The following METTL15 variants were observed in gnomAD, a reference collection of about 807,000 sequenced individuals.
METTL15 encodes the protein 12S rRNA N(4)-cytidine methyltransferase METTL15.
In METTL15, 34 loss-of-function variants were observed where a neutral mutation model predicts 38.3. The observed-to-expected ratio is 0.89, with a 90% CI of 0.68 to 1.18. The LOEUF is 1.18. METTL15 is among the 50% of genes most tolerant of loss of function. The probability of loss-of-function intolerance (pLI) is 0.00; values close to 1 mark genes in which losing one functional copy is unlikely to be tolerated. For synonymous variants in METTL15, 162 were observed against 170.9 expected, an observed-to-expected ratio of 0.95 and a Z score of 0.41; for missense variants, 438 against 498.4, an observed-to-expected ratio of 0.88 and a Z score of 1.15.
At chr11:28,131,914 C>A (rs1456696382) in intron 3 of METTL15, among the ~76,000 whole-genome samples, 3 of 151,962 alleles carry the variant, frequency 2.0e-5, no homozygotes, top group East Asian at 1.9e-4. Context: ...AATTTGGTGA[C>A]CTTTGTAATG....
chr11:28,454,369 A>T (rs989120898), intron 6 of METTL15, among the ~76,000 whole-genome samples: 1 of 152,238 alleles, frequency 6.6e-6, no homozygotes, highest in Non-Finnish European at 1.5e-5. Flanking sequence ...TTGCAAAAGT[A>T]ATTTTCAGCT....
intron 4 of METTL15, among the ~76,000 whole-genome samples, chr11:28,274,388 GA>G (rs1855762768): frequency 6.6e-6 from 1 of 151,768 alleles, no homozygotes; most frequent in Non-Finnish European, 1.5e-5. Context: ...CAGCCAACAG[GA>G]AAAAAGGTTT....
chr11:28,284,599 G>C (rs529008031), intron 4 of METTL15, among the ~76,000 whole-genome samples: 3 of 152,124 alleles, frequency 2.0e-5, no homozygotes, highest in African/African-American at 7.2e-5. Context: ...ACAGTATGGA[G>C]GAAATAGGCT....
At chr11:28,424,113 T>G (rs927009726) in intron 5 of METTL15, among the ~76,000 whole-genome samples, 1 of 152,196 alleles carries the variant, frequency 6.6e-6, no homozygotes, top group African/African-American at 2.4e-5. Flanking sequence ...TACTGACATC[T>G]GCATTTGTCA....
chr11:28,251,974 A>G (rs1443264728), intron 4 of METTL15, among the ~76,000 whole-genome samples: 3 of 152,034 alleles, frequency 2.0e-5, no homozygotes. Context: ...CTAACTCCAT[A>G]ATGTATATGT....
At chr11:28,379,861 T>C (rs1850362215) in intron 5 of METTL15, among the ~76,000 whole-genome samples, 1 of 152,212 alleles carries the variant, frequency 6.6e-6, no homozygotes, top group Non-Finnish European at 1.5e-5. Flanking sequence ...TTTAGATGTA[T>C]TAATGTTTGT....
intron 5 of METTL15, among the ~76,000 whole-genome samples, chr11:28,377,431 T>G (rs1398018416): frequency 6.6e-6 from 1 of 152,218 alleles, no homozygotes; most frequent in Non-Finnish European, 1.5e-5. Context: ...GCTGATACCC[T>G]TTCTTCCAGT....
intron 3 of METTL15, among the ~76,000 whole-genome samples, chr11:28,194,843 C>T (rs1270736408): frequency 6.6e-6 from 1 of 151,306 alleles, no homozygotes; most frequent in Non-Finnish European, 1.5e-5. Context: ...TTTCAACCCT[C>T]ACCCGCCTCC....
At position 28,130,328 on chromosome 11, in the gene METTL15, C is replaced by G. The variant is rs183050991; in HGVS notation, c.270+16724C>G. Among the ~76,000 whole-genome samples, 9 of 152,062 alleles carry G rather than the reference C, an allele frequency of 5.9e-5. No individual in the cohort carries two copies. In the East Asian group the frequency reaches 1.7e-3, roughly 30 times the overall value. On this transcript the variant is annotated intron_variant, in intron 3 of 6. Transcript: ENST00000407364. ...CTGGTCTCAAAAAACCAACAAAAACCAACACACCTTCTTGGCAGCCTTGCG... is the reference window on the plus strand; with the variant it reads ...CTGGTCTCAAAAAACCAACAAAAACGAACACACCTTCTTGGCAGCCTTGCG...
chr11:28,376,652 A>C (rs1483494006), intron 5 of METTL15, among the ~76,000 whole-genome samples: 10 of 151,876 alleles, frequency 6.6e-5, no homozygotes, highest in East Asian at 5.8e-4. Context: ...GCATTTAGTC[A>C]ATTTACATTT....
chr11:28,221,226 A>G (rs945170197), intron 4 of METTL15, among the ~76,000 whole-genome samples: 62 of 152,122 alleles, frequency 4.1e-4, no homozygotes, highest in Admixed American at 2.0e-4. Flanking sequence ...GTCTTTTCAC[A>G]TAGTCCCATA....
At chr11:28,250,876 A>T (rs1351046483) in intron 4 of METTL15, among the ~76,000 whole-genome samples, 1 of 151,978 alleles carries the variant, frequency 6.6e-6, no homozygotes, top group Non-Finnish European at 1.5e-5. Context: ...CCACCTTGTC[A>T]ATTTGAGCCC....
downstream of METTL15, among the ~76,000 whole-genome samples, chr11:28,337,470 C>T (rs1168162444): frequency 6.6e-6 from 1 of 151,994 alleles, no homozygotes; most frequent in African/African-American, 2.4e-5. Context: ...CCCACCTCAG[C>T]CTCCCAAAGT....
chr11:28,494,116 A>C (rs1214349821), intron 6 of METTL15, among the ~76,000 whole-genome samples: 5 of 152,196 alleles, frequency 3.3e-5, no homozygotes, highest in Admixed American at 6.5e-5. Context: ...ATTAGGATGA[A>C]AGATGTCTCA....
At chr11:28,145,059 A>AGCT in intron 3 of METTL15, 1 of 168,928 alleles carries the variant, frequency 5.9e-6, no homozygotes, top group Non-Finnish European at 1.3e-5. Context: ...GGCTCTGAAT[A>AGCT]GCTGTCAGGA....
At chr11:28,249,503 AT>A (rs1013703061) in intron 4 of METTL15, among the ~76,000 whole-genome samples, 4 of 152,094 alleles carry the variant, frequency 2.6e-5, no homozygotes, top group Middle Eastern at 3.4e-3. Flanking sequence ...AGTTTCTGTG[AT>A]GGGAAGGTTT....
At chr11:28,465,584 AGTGAAT>A (rs1219210947) in intron 6 of METTL15, among the ~76,000 whole-genome samples, 1 of 152,134 alleles carries the variant, frequency 6.6e-6, no homozygotes, top group Non-Finnish European at 1.5e-5. Context: ...TTTTCTTTTT[AGTGAAT>A]GGAGCCACCA....
At chr11:28,181,591 C>A (rs927387722) in intron 3 of METTL15, among the ~76,000 whole-genome samples, 14 of 89,084 alleles carry the variant, frequency 1.6e-4, no homozygotes, top group Non-Finnish European at 3.9e-4. Flanking sequence ...ATAAACTCAT[C>A]ATTTTTTAAG....
intron 5 of METTL15, among the ~76,000 whole-genome samples, chr11:28,369,669 G>T (rs1293382709): frequency 6.6e-6 from 1 of 152,086 alleles, no homozygotes; most frequent in Non-Finnish European, 1.5e-5. Flanking sequence ...TGCCACACAA[G>T]AATACTATAA....
Sources: allele counts gnomAD v4.1 joint callset (sites outside exome capture counted in the v4.1 genomes callset), GRCh38; gene constraint gnomAD v4.1.1; transcripts MANE v1.5; gene names NCBI Gene and HGNC (gene_info 2026-07-23, HGNC 2026-07-21).